Variants in ARHGAP15 observed in about 807,000 individuals in gnomAD.
The protein encoded by ARHGAP15 is Rho GTPase activating protein 15.
In ARHGAP15, 51 loss-of-function variants were observed where a neutral mutation model predicts 63.7. The ratio of observed to expected loss-of-function variants is 0.80; its 90% CI spans 0.64 to 1.01. ARHGAP15 has a LOEUF of 1.01. Ranked by LOEUF, ARHGAP15 falls within the 50% of genes least tolerant of loss-of-function variation. ARHGAP15 has a pLI of 0.00. For missense variants in ARHGAP15, 560 were observed against 564.6 expected (o/e 0.99, Z 0.08); for synonymous variants, 191 against 193.8 (o/e 0.99, Z 0.12).
At chr2:143,268,937 A>G (rs1036061354) in intron 6 of ARHGAP15, among the ~76,000 whole-genome samples, 2 of 152,156 alleles carry the variant, frequency 1.3e-5, no homozygotes, top group Admixed American at 1.3e-4. Context: ...TGCCTTTCCT[A>G]AGTAAATATA....
chr2:143,281,909 T>C (rs1270181780), intron 6 of ARHGAP15, among the ~76,000 whole-genome samples: 2 of 152,180 alleles, frequency 1.3e-5, no homozygotes, highest in African/African-American at 4.8e-5. Context: ...TAAAGTCTTC[T>C]ATGAATCCAG....
intron 6 of ARHGAP15, among the ~76,000 whole-genome samples, chr2:143,339,625 C>A (rs1684965469): frequency 6.6e-6 from 1 of 152,144 alleles, no homozygotes; most frequent in South Asian, 2.1e-4. Flanking sequence ...CTACCTATTT[C>A]TCCCATGTCA....
chr2:143,707,607 C>CATACCTTTA (rs1684390120), intron 13 of ARHGAP15, among the ~76,000 whole-genome samples: 3 of 152,094 alleles, frequency 2.0e-5, no homozygotes, highest in Admixed American at 1.3e-4. Context: ...GCAGACTTTT[C>CATACCTTTA]AAAGTTTCAT....
intron 3 of ARHGAP15, among the ~76,000 whole-genome samples, chr2:143,204,843 T>A (rs1692263778): frequency 6.6e-6 from 1 of 152,028 alleles, no homozygotes; most frequent in Non-Finnish European, 1.5e-5. Flanking sequence ...AAATAATATA[T>A]TTGGTGCCCA....
chr2:143,260,309 C>T (rs1680654455), intron 6 of ARHGAP15, among the ~76,000 whole-genome samples: 1 of 152,110 alleles, frequency 6.6e-6, no homozygotes, highest in East Asian at 1.9e-4. Flanking sequence ...ATTAGGATAT[C>T]TCTGTAATTT....
At chr2:143,604,519 C>A (rs1004916295) in intron 11 of ARHGAP15, among the ~76,000 whole-genome samples, 4 of 152,230 alleles carry the variant, frequency 2.6e-5, no homozygotes, top group African/African-American at 7.2e-5. Context: ...TGATAACCAG[C>A]ATTTCACCAA....
intron 5 of ARHGAP15, chr2:143,235,864 G>A: frequency 6.9e-7 from 1 of 1,440,700 alleles, no homozygotes; most frequent in Non-Finnish European, 9.2e-7. Flanking sequence ...TCCTATTTTA[G>A]TATCAGTGAA....
At chr2:143,488,210 T>C (rs1199662802) in intron 9 of ARHGAP15, among the ~76,000 whole-genome samples, 2 of 152,328 alleles carry the variant, frequency 1.3e-5, no homozygotes, top group East Asian at 3.9e-4. Flanking sequence ...TGGGGATACT[T>C]ATATACATCA....
chr2:143,549,670 G>A (rs1164408031), intron 10 of ARHGAP15, among the ~76,000 whole-genome samples: 3 of 152,288 alleles, frequency 2.0e-5, no homozygotes, highest in Middle Eastern at 6.8e-3. Flanking sequence ...TTTCTGTAAG[G>A]ACGGAAAAGT....
chr2:143,276,684 G>C (rs1359723535), intron 6 of ARHGAP15, among the ~76,000 whole-genome samples: 1 of 152,068 alleles, frequency 6.6e-6, no homozygotes, highest in African/African-American at 2.4e-5. Context: ...TGTAGTTTTA[G>C]CTACTTGGGA....
chr2:143,517,031 C>A (rs1021707654), intron 9 of ARHGAP15, among the ~76,000 whole-genome samples: 3 of 152,164 alleles, frequency 2.0e-5, no homozygotes, highest in African/African-American at 7.2e-5. Flanking sequence ...CTCACTGCAA[C>A]CTCTCCCTCC....
intron 2 of ARHGAP15, among the ~76,000 whole-genome samples, chr2:143,194,922 A>G (rs1691830488): frequency 6.6e-6 from 1 of 152,198 alleles, no homozygotes; most frequent in Non-Finnish European, 1.5e-5. Flanking sequence ...GAATCATTTT[A>G]GCAAACGCTT....
chr2:143,177,593 G>A (rs1691058249), intron 2 of ARHGAP15, among the ~76,000 whole-genome samples: 1 of 152,172 alleles, frequency 6.6e-6, no homozygotes, highest in African/African-American at 2.4e-5. Context: ...TTCTACATCA[G>A]TGATTCTCAA....
At chr2:143,504,726 T>C (rs937491536) in intron 9 of ARHGAP15, among the ~76,000 whole-genome samples, 1 of 152,172 alleles carries the variant, frequency 6.6e-6, no homozygotes, top group African/African-American at 2.4e-5. Flanking sequence ...CTCTCATTTC[T>C]TTCTCTTTTA....
intron 2 of ARHGAP15, among the ~76,000 whole-genome samples, chr2:143,165,882 T>C (rs1363892377): frequency 6.6e-6 from 1 of 151,246 alleles, no homozygotes; most frequent in Non-Finnish European, 1.5e-5. Flanking sequence ...GAAAGAAATT[T>C]ACATTCCTGG....
At chr2:143,463,680 C>T (rs1261428617) in intron 8 of ARHGAP15, among the ~76,000 whole-genome samples, 1 of 152,138 alleles carries the variant, frequency 6.6e-6, no homozygotes, top group Non-Finnish European at 1.5e-5. Context: ...CTGTTGAACC[C>T]AGGATGATTA....
intron 13 of ARHGAP15, among the ~76,000 whole-genome samples, chr2:143,731,017 A>G (rs1010750383): frequency 2.7e-5 from 4 of 148,542 alleles, no homozygotes; most frequent in Admixed American, 6.7e-5. Flanking sequence ...GGCCAGTAGA[A>G]GTGGAGCAGC....
At chr2:143,276,053 A>G (rs1238855798) in intron 6 of ARHGAP15, among the ~76,000 whole-genome samples, 1 of 152,242 alleles carries the variant, frequency 6.6e-6, no homozygotes, top group African/African-American at 2.4e-5. Context: ...CTTGACTTCC[A>G]TAGCGAGAAT....
chr2:143,610,977 C>T (rs1559079894), intron 11 of ARHGAP15, among the ~76,000 whole-genome samples: 1 of 152,122 alleles, frequency 6.6e-6, no homozygotes, highest in Non-Finnish European at 1.5e-5. Flanking sequence ...GATCCAACCA[C>T]CTTGGCCTCC....
Sources: allele counts gnomAD v4.1 joint callset (sites outside exome capture counted in the v4.1 genomes callset), GRCh38; gene constraint gnomAD v4.1.1; transcripts MANE v1.5; gene names NCBI Gene and HGNC (gene_info 2026-07-23, HGNC 2026-07-21).